TENM3: variants seen among roughly 807,000 people sequenced by gnomAD.
TENM3 encodes the protein teneurin transmembrane protein 3, also known as teneurin-3.
A neutral mutation model predicts 255.1 loss-of-function variants in TENM3; 63 were observed. The ratio of observed to expected loss-of-function variants is 0.25; its 90% CI spans 0.20 to 0.30. The LOEUF is 0.30. TENM3 is among the 10% of genes least tolerant of loss of function. TENM3 has a pLI of 1.00. For missense variants in TENM3, 2,929 were observed against 3,461.1 expected (o/e 0.85, Z 3.86); for synonymous variants, 1,306 against 1,322.3 (o/e 0.99, Z 0.27).
the TENM3 span, among the ~76,000 whole-genome samples, chr4:181,678,356 G>C: frequency 6.6e-6 from 1 of 152,094 alleles, no homozygotes; most frequent in Non-Finnish European, 1.5e-5. Flanking sequence ...AATGTGAGGG[G>C]TTGGTAGGGC....
chr4:182,669,032 ACAAT>A (rs1754967226), intron 6 of TENM3, among the ~76,000 whole-genome samples: 1 of 152,226 alleles, frequency 6.6e-6, no homozygotes, highest in Non-Finnish European at 1.5e-5. Flanking sequence ...CTTGTTAATG[ACAAT>A]CAAGTATCAT....
chr4:181,686,050 A>G, the TENM3 span, among the ~76,000 whole-genome samples: 1 of 152,152 alleles, frequency 6.6e-6, no homozygotes, highest in African/African-American at 2.4e-5. Flanking sequence ...ATCAGTATGC[A>G]TATTTTTTCT....
chr4:182,507,435 C>A (rs17073490), intron 3 of TENM3, among the ~76,000 whole-genome samples: 11,694 of 152,134 alleles, frequency 0.077, 510 homozygotes, highest in East Asian at 0.11. Flanking sequence ...GTGGAGTTAC[C>A]TATTTCAAAA....
At chr4:182,255,997 C>T (rs17072934) in intron 1 of TENM3, among the ~76,000 whole-genome samples, 12,747 of 152,192 alleles carry the variant, frequency 0.084, 720 homozygotes, top group African/African-American at 0.15. Context: ...CAAAGCCCTG[C>T]ATTCCTGTTT....
chr4:182,549,012 C>G (rs530186233), intron 3 of TENM3, among the ~76,000 whole-genome samples: 1 of 152,214 alleles, frequency 6.6e-6, no homozygotes, highest in South Asian at 2.1e-4. Context: ...GTTTTTTTCT[C>G]TCTTACTTGG....
chr4:182,763,195 G>T (rs1488391268), intron 22 of TENM3, among the ~76,000 whole-genome samples: 1 of 152,184 alleles, frequency 6.6e-6, no homozygotes, highest in Non-Finnish European at 1.5e-5. Flanking sequence ...TTTTAAAGTA[G>T]TTAATTGATT....
chr4:181,540,336 G>A, the TENM3 span, among the ~76,000 whole-genome samples: 1 of 152,022 alleles, frequency 6.6e-6, no homozygotes, highest in Non-Finnish European at 1.5e-5. Flanking sequence ...TAAATAGATG[G>A]GGGAGAAACG....
At chr4:182,263,052 A>G (rs1758958574) in intron 1 of TENM3, among the ~76,000 whole-genome samples, 1 of 152,054 alleles carries the variant, frequency 6.6e-6, no homozygotes, top group South Asian at 2.1e-4. Context: ...AGATCCAGGA[A>G]GCCTCTCTTG....
chr4:182,326,300 T>A (rs968443035), intron 2 of TENM3, among the ~76,000 whole-genome samples: 1 of 152,264 alleles, frequency 6.6e-6, no homozygotes, highest in Non-Finnish European at 1.5e-5. Flanking sequence ...GTGAGGCAGC[T>A]CCCCTGGTGA....
At chr4:182,597,198 T>G (rs926661333) in intron 3 of TENM3, among the ~76,000 whole-genome samples, 2 of 151,812 alleles carry the variant, frequency 1.3e-5, no homozygotes, top group Non-Finnish European at 2.9e-5. Context: ...AGCCCAGGAG[T>G]TCAAGACTGG....
At chr4:182,530,427 G>A (rs184586761) in intron 3 of TENM3, among the ~76,000 whole-genome samples, 1 of 152,210 alleles carries the variant, frequency 6.6e-6, no homozygotes, top group African/African-American at 2.4e-5. Context: ...ACGTGAAACA[G>A]AAGGGGAATG....
chr4:181,487,058 T>C, the TENM3 span, among the ~76,000 whole-genome samples: 1 of 152,202 alleles, frequency 6.6e-6, no homozygotes, highest in Non-Finnish European at 1.5e-5. Flanking sequence ...CTGCAGTTCA[T>C]AAATGATGCG....
At chr4:182,514,100 C>A (rs1172562780) in intron 3 of TENM3, among the ~76,000 whole-genome samples, 1 of 152,184 alleles carries the variant, frequency 6.6e-6, no homozygotes, top group Admixed American at 6.5e-5. Flanking sequence ...TCTTGGGAAC[C>A]GTGAGTAACA....
the TENM3 span, among the ~76,000 whole-genome samples, chr4:181,763,932 C>T: frequency 1.3e-5 from 2 of 152,270 alleles, no homozygotes; most frequent in South Asian, 4.2e-4. Flanking sequence ...TGTTATAGAT[C>T]ATTTTGATTA....
intron 19 of TENM3, among the ~76,000 whole-genome samples, chr4:182,743,923 A>G (rs1348193251): frequency 6.6e-6 from 1 of 152,060 alleles, no homozygotes; most frequent in Non-Finnish European, 1.5e-5. Context: ...TGCTTTGTTC[A>G]TTTAAGTGTG....
intron 1 of TENM3, among the ~76,000 whole-genome samples, chr4:182,256,085 T>G (rs955858708): frequency 4.6e-5 from 7 of 152,196 alleles, no homozygotes; most frequent in Non-Finnish European, 1.0e-4. Flanking sequence ...GTCTCTTGGA[T>G]GTACGTATAG....
chr4:181,790,568 T>C, the TENM3 span, among the ~76,000 whole-genome samples: 1 of 152,142 alleles, frequency 6.6e-6, no homozygotes, highest in Admixed American at 6.5e-5. Flanking sequence ...AATAGAAAAG[T>C]TACTGCTTAT....
chr4:182,515,199 T>C (rs1454609762), intron 3 of TENM3, among the ~76,000 whole-genome samples: 3 of 152,182 alleles, frequency 2.0e-5, no homozygotes, highest in Non-Finnish European at 4.4e-5. Context: ...GCAAAGAAGT[T>C]AGACTGCTTT....
intron 17 of TENM3, among the ~76,000 whole-genome samples, chr4:182,737,939 T>C (rs1157940050): frequency 6.6e-6 from 1 of 152,228 alleles, no homozygotes; most frequent in African/African-American, 2.4e-5. Context: ...CAGCATAATG[T>C]CATAATCTGG....
Sources: gnomAD v4.1 joint callset for allele counts (sites outside exome capture counted in the v4.1 genomes callset) on GRCh38, gnomAD v4.1.1 for gene constraint, MANE v1.5 for transcripts, NCBI Gene and HGNC (gene_info 2026-07-23, HGNC 2026-07-21) for gene names.